The following CWF19L1 variants were observed in gnomAD, a reference collection of about 807,000 sequenced individuals.
The protein encoded by CWF19L1 is CWF19 like cell cycle control factor 1, also known as CWF19-like protein 1.
Under a neutral mutation model 69.7 loss-of-function variants are expected in CWF19L1, and 60 were observed. That is an observed-to-expected ratio of 0.86 (90% CI 0.70 to 1.07). The LOEUF (loss-of-function observed/expected upper bound fraction) is 1.07, where lower values mean the gene tolerates loss of function less well. CWF19L1 is among the 50% of genes least tolerant of loss of function. The pLI, the probability that CWF19L1 is intolerant of heterozygous loss-of-function variation, is 0.00. For missense variants in CWF19L1, 591 were observed against 638.9 expected (o/e 0.92, Z 0.81); for synonymous variants, 209 against 222.2 (o/e 0.94, Z 0.53).
intron 4 of CWF19L1, among the ~76,000 whole-genome samples, chr10:100,257,552 C>T (rs958880655): frequency 9.9e-5 from 15 of 152,032 alleles, no homozygotes; most frequent in African/African-American, 3.6e-4. Flanking sequence ...CCCACCTCGA[C>T]CTCCCAAGGT....
At chr10:100,250,656 T>C (rs555720539) in intron 6 of CWF19L1, among the ~76,000 whole-genome samples, 1 of 152,292 alleles carries the variant, frequency 6.6e-6, no homozygotes, top group South Asian at 2.1e-4. Context: ...CACTTTACTA[T>C]TGCCTCTTCT....
intron 1 of CWF19L1, among the ~76,000 whole-genome samples, chr10:100,266,682 AT>A (rs35028554): frequency 1.2e-3 from 158 of 134,878 alleles, no homozygotes; most frequent in Non-Finnish European, 1.3e-3. Flanking sequence ...CGCCTGGCTA[AT>A]TTTTTTTTTT....
chr10:100,261,156 T>A, intron 2 of CWF19L1, 112 bp from the exon 3 acceptor site: 1 of 696,032 alleles, frequency 1.4e-6, no homozygotes, highest in East Asian at 2.8e-5. Context: ...TTTTAATTCT[T>A]AATCAATTTG....
At chr10:100,255,192 T>A (rs1847168304) in intron 5 of CWF19L1, among the ~76,000 whole-genome samples, 1 of 152,376 alleles carries the variant, frequency 6.6e-6, no homozygotes, top group South Asian at 2.1e-4. Flanking sequence ...TTGTCACTCC[T>A]GGTGTACCAT....
chr10:100,237,275 A>C, intron 11 of CWF19L1: 2 of 563,110 alleles, frequency 3.6e-6, no homozygotes, highest in East Asian at 8.7e-5. Context: ...AACTTAACAA[A>C]TGTGCCAAAA....
At chr10:100,236,639 G>A (rs1389716149) in intron 12 of CWF19L1, among the ~76,000 whole-genome samples, 2 of 152,084 alleles carry the variant, frequency 1.3e-5, no homozygotes, top group African/African-American at 2.4e-5. Context: ...GTATGGTGGC[G>A]CATGCCTGTA....
intron 3 of CWF19L1, among the ~76,000 whole-genome samples, chr10:100,260,729 G>A (rs1194797941): frequency 6.6e-6 from 1 of 152,052 alleles, no homozygotes; most frequent in Admixed American, 6.5e-5. Context: ...CACCATGTTG[G>A]CCAGGCTGGT....
intron 1 of CWF19L1, among the ~76,000 whole-genome samples, chr10:100,267,005 T>C (rs948140046): frequency 6.6e-5 from 10 of 151,856 alleles, no homozygotes; most frequent in African/African-American, 2.4e-4. Flanking sequence ...TTAGTACCTG[T>C]TCCTCTAGAC....
chr10:100,238,897 A>G (rs1846542996), intron 10 of CWF19L1, among the ~76,000 whole-genome samples: 2 of 138,962 alleles, frequency 1.4e-5, no homozygotes, highest in African/African-American at 5.7e-5. Context: ...GCGCCACTAC[A>G]CTCCAGCCTG....
intron 7 of CWF19L1, among the ~76,000 whole-genome samples, chr10:100,249,346 G>C (rs1238945192): frequency 1.3e-5 from 2 of 151,988 alleles, no homozygotes; most frequent in Admixed American, 6.6e-5. Context: ...CTCTTTATCT[G>C]CCTATTTTCC....
chr10:100,253,880 G>GTT (rs10689337), intron 5 of CWF19L1: 1,912 of 160,242 alleles, frequency 0.012, 34 homozygotes, highest in African/African-American at 0.042. Flanking sequence ...GTTTTGGTTT[G>GTT]TTTTTTTTTT....
intron 3 of CWF19L1, 46 bp downstream of exon 3, chr10:100,260,920 G>A: frequency 8.0e-7 from 1 of 1,245,202 alleles, no homozygotes; most frequent in East Asian, 2.5e-5. Context: ...TCTGGCCCTT[G>A]AAATTTTATT....
Position 100,253,448 on chromosome 10 carries a change from T to G in CWF19L1, c.596A>C (p.Lys199Thr). ...KPRYHFAALE[K>T]TYYERLPYRN... ...ATATGGAAGCCTCTCATAATAGGTC[T>G]TTTCCAAAGCAGCAAAATGGTATCT... is the stretch of plus-strand genomic sequence containing the variant. Residue 199 changes from lysine (K) to threonine (T), a missense_variant, in exon 6 of 14, where the codon AAG becomes ACG. Coordinates refer to ENST00000354105, the MANE Select transcript of CWF19L1 (RefSeq NM_018294.6). 1 of 1,612,622 alleles carries G rather than the reference T, an allele frequency of 6.2e-7. No homozygotes were observed. Among genetic ancestry groups the G allele is most frequent in the Non-Finnish European group, 8.5e-7 (1 of 1,178,628 alleles).
Position 100,236,973 on chromosome 10 carries a change from G to A in CWF19L1, c.1255-4C>T. The stretch of plus-strand genomic sequence containing the variant: ...AGCTGATTGGGACAGGAATGACCTG[G>A]GGGTTGGGGAGACAGGAGAAATTCC... On this transcript the variant is annotated splice_polypyrimidine_tract_variant and splice_region_variant and intron_variant, in intron 11 of 13. Coordinates refer to ENST00000354105, the MANE Select transcript of CWF19L1 (RefSeq NM_018294.6). 6.4e-7 allele frequency: 1 copy of A among 1,571,868 alleles called. No individual in the cohort carries two copies. Among genetic ancestry groups the A allele is most frequent in the East Asian group, 2.2e-5 (1 of 44,454 alleles).
rs114733165 is a variant in CWF19L1, at chr10:100,249,067, C to T, written c.708+1181G>A. 2.9e-3 allele frequency: 1,559 copies of T among 532,998 alleles called. 23 individuals are homozygous for T. The highest frequency in any genetic ancestry group is 0.025 in the African/African-American group (1,307 of 52,576). The allele number at this position is 532,998 out of a possible 1,614,324, so 33.0% of individuals were successfully genotyped here. A position where few individuals can be genotyped will look rare whatever the true frequency, so the allele number is the denominator to read the frequency against. Reference sequence around the variant, plus strand: ...GGGGCAGTCCATGCTCCTCCAGCTGCCCCTGAGGGGCCACCCTGCCTGCAC... The same window carrying T: ...GGGGCAGTCCATGCTCCTCCAGCTGTCCCTGAGGGGCCACCCTGCCTGCAC... On this transcript the variant is annotated intron_variant, in intron 7 of 13. Coordinates refer to ENST00000354105, the MANE Select transcript of CWF19L1 (RefSeq NM_018294.6).
intron 4 of CWF19L1, among the ~76,000 whole-genome samples, chr10:100,259,772 C>T (rs936469320): frequency 6.6e-6 from 1 of 152,140 alleles, no homozygotes; most frequent in Admixed American, 6.5e-5. Context: ...GGAAAAAACC[C>T]TCCAAACCCC....
chr10:100,262,842 G>T lies in CWF19L1; in HGVS notation c.24-779C>A, dbSNP rs903670993. On this transcript the variant is annotated intron_variant, in intron 1 of 13. Coordinates refer to ENST00000354105, the MANE Select transcript of CWF19L1 (RefSeq NM_018294.6). ...CCACGGCTTATATCATTTCCTTAAT[G>T]TCTTTTAACTCATCTTGAAATATTA... Among the ~76,000 whole-genome samples the T allele has an allele frequency of 3.9e-5, 6 of 151,980 alleles. No individual in the cohort carries two copies. The East Asian group carries it at 1.2e-3, about 29-fold the overall frequency.
In CWF19L1 at chr10:100,246,821, TG is replaced by T. The variant is rs866973889; in HGVS notation, c.822del (p.Ile275Ter). ...NPYRKSGQEA[S>X]IGKQILAPVE... ...ACAGGGGCAAGAATTTGCTTTCCTATGGATGCTTCCTGCCCAGATTTTCTGT... is the reference window on the plus strand; with the variant it reads ...ACAGGGGCAAGAATTTGCTTTCCTATGATGCTTCCTGCCCAGATTTTCTGT... On this transcript the variant is annotated frameshift_variant, in exon 8 of 14. Transcript: ENST00000354105. LOFTEE classifies it high-confidence loss of function. 6.8e-6 allele frequency: 11 copies of T among 1,613,932 alleles called. No homozygotes were observed. The African/African-American group carries it at 1.5e-4, about 22-fold the overall frequency.
intron 9 of CWF19L1, among the ~76,000 whole-genome samples, chr10:100,244,773 C>T (rs184160304): frequency 2.0e-5 from 3 of 152,072 alleles, no homozygotes; most frequent in Non-Finnish European, 4.4e-5. Flanking sequence ...CATGCCTCAG[C>T]CTCCTGAGGA....
Sources: gnomAD v4.1 joint callset for allele counts (sites outside exome capture counted in the v4.1 genomes callset) on GRCh38, gnomAD v4.1.1 for gene constraint, MANE v1.5 for transcripts, NCBI Gene and HGNC (gene_info 2026-07-23, HGNC 2026-07-21) for gene names.